PRRC1: variants seen among roughly 807,000 people sequenced by gnomAD.
PRRC1 encodes proline rich coiled-coil 1, also known as protein PRRC1.
PRRC1 carries 39 observed loss-of-function variants against 40.7 expected under a neutral mutation model. The observed-to-expected ratio is 0.96, with a 90% CI of 0.74 to 1.25. The LOEUF (loss-of-function observed/expected upper bound fraction) is 1.25. Among genes scored for constraint, PRRC1 ranks in the 50% most tolerant of loss-of-function variants. The probability of loss-of-function intolerance (pLI) is 0.00; values close to 1 mark genes in which losing one functional copy is unlikely to be tolerated. For missense variants in PRRC1, 573 were observed against 548.3 expected, an observed-to-expected ratio of 1.05 and a Z score of -0.45; for synonymous variants, 175 against 193.3, an observed-to-expected ratio of 0.91 and a Z score of 0.79.
chr5:127,555,025 G>C lies in PRRC1; in HGVS notation c.*3109G>C, dbSNP rs1263046669. On this transcript the variant is annotated 3_prime_UTR_variant, in exon 9 of 9. Coordinates refer to ENST00000296666, the MANE Select transcript of PRRC1 (RefSeq NM_130809.5). ...GATATTACGCAGGATGATGTATTGA[G>C]TAAAATCAGTTTTGTAAATATGTAA... The C allele has an allele frequency of 6.6e-6, 1 of 152,582 alleles. No homozygotes were observed. Among genetic ancestry groups the C allele is most frequent in the African/African-American group, 2.4e-5 (1 of 41,430 alleles). The allele number at this position is 152,582 out of a possible 1,614,324, so 9.5% of individuals were successfully genotyped here. A position where few individuals can be genotyped will look rare whatever the true frequency, so the allele number is the denominator to read the frequency against.
chr5:127,535,745 T>G (rs1457814395), intron 6 of PRRC1, among the ~76,000 whole-genome samples: 1 of 152,172 alleles, frequency 6.6e-6, no homozygotes, highest in African/African-American at 2.4e-5. Context: ...TGCATTCATT[T>G]GATGTGTGTA....
intron 1 of PRRC1, among the ~76,000 whole-genome samples, chr5:127,522,539 T>G (rs1450216488): frequency 6.6e-6 from 1 of 152,026 alleles, no homozygotes; most frequent in Non-Finnish European, 1.5e-5. Flanking sequence ...CATAGGCACA[T>G]GTCACCCTGC....
chr5:127,536,056 T>C (rs1006724041), intron 6 of PRRC1, among the ~76,000 whole-genome samples: 1 of 152,198 alleles, frequency 6.6e-6, no homozygotes. Flanking sequence ...TTATATATAA[T>C]ATGAATTAAA....
Position 127,552,643 on chromosome 5 carries a change from T to A in PRRC1, c.*727T>A. ...TGCTATATGACAGCTAAGGGGCAAATGATTCAAGTATATTTTAAATCAGAA... is the reference window on the plus strand; with the variant it reads ...TGCTATATGACAGCTAAGGGGCAAAAGATTCAAGTATATTTTAAATCAGAA... On this transcript the variant is annotated 3_prime_UTR_variant, in exon 9 of 9. Transcript: ENST00000296666. 2.0e-6 allele frequency: 2 copies of A among 977,984 alleles called. No individual in the cohort carries two copies. 60.6% of individuals were successfully genotyped at this position (977,984 alleles called of 1,614,324 possible). A position where few individuals can be genotyped will look rare whatever the true frequency, so the allele number is the denominator to read the frequency against.
At position 127,553,474 on chromosome 5, in the gene PRRC1, A is replaced by G; in HGVS notation, c.*1558A>G. ...ACTTTTGTCCAGGAGTAACAGGGAC[A>G]GAATACTTTCTTTCTTTCCTTCAAG... On this transcript the variant is annotated 3_prime_UTR_variant, in exon 9 of 9. Transcript: ENST00000296666. The G allele has an allele frequency of 3.5e-6, 4 of 1,135,980 alleles. No individual in the cohort carries two copies. The South Asian group carries it at 8.1e-5, about 23-fold the overall frequency. The allele number at this position is 1,135,980 out of a possible 1,614,324, so 70.4% of individuals were successfully genotyped here. A position where few individuals can be genotyped will look rare whatever the true frequency, so the allele number is the denominator to read the frequency against.
intron 1 of PRRC1, among the ~76,000 whole-genome samples, chr5:127,518,480 G>C (rs569964839): frequency 6.6e-6 from 1 of 152,314 alleles, no homozygotes; most frequent in South Asian, 2.1e-4. Flanking sequence ...TATTTTGAGA[G>C]ACAACATGTG....
intron 6 of PRRC1, among the ~76,000 whole-genome samples, chr5:127,538,648 G>T (rs1323914001): frequency 1.3e-5 from 2 of 152,024 alleles, no homozygotes; most frequent in African/African-American, 2.4e-5. Context: ...AAATTCAAGA[G>T]AGAATTAACT....
chr5:127,551,359 C>T, intron 8 of PRRC1: 1 of 227,706 alleles, frequency 4.4e-6, no homozygotes, highest in Non-Finnish European at 8.8e-6. Flanking sequence ...TTTCAGTTTT[C>T]CTCTTTCTGG....
At position 127,553,702 on chromosome 5, in the gene PRRC1, A is replaced by T. The variant is rs1042218469; in HGVS notation, c.*1786A>T. 57 of 1,495,478 alleles carry T rather than the reference A, an allele frequency of 3.8e-5. No homozygotes were observed. Among genetic ancestry groups the T allele is most frequent in the Non-Finnish European group, 4.8e-5 (54 of 1,130,470 alleles). 92.6% of individuals were successfully genotyped at this position (1,495,478 alleles called of 1,614,324 possible). ...TCTTACAGATTCTAAAAATACCTTA[A>T]TTTTTCTTTGATTTTTATTTTACCA... On this transcript the variant is annotated 3_prime_UTR_variant, in exon 9 of 9. Transcript: ENST00000296666.
intron 8 of PRRC1, chr5:127,548,795 T>A (rs113997419): frequency 6.6e-6 from 1 of 152,136 alleles, no homozygotes; most frequent in Non-Finnish European, 1.5e-5. Flanking sequence ...TATTACAGTT[T>A]AGAAAGGGGG....
At chr5:127,547,597 AT>A (rs1768262848) in intron 7 of PRRC1, among the ~76,000 whole-genome samples, 1 of 151,570 alleles carries the variant, frequency 6.6e-6, no homozygotes, top group Admixed American at 6.6e-5. Context: ...GTATTTTTAA[AT>A]TTTTTTTCTT....
chr5:127,551,404 A>G, intron 8 of PRRC1: 1 of 299,268 alleles, frequency 3.3e-6, no homozygotes, highest in Non-Finnish European at 6.3e-6. Flanking sequence ...TAACTTTAGC[A>G]CTGATTTTAG....
intron 4 of PRRC1, among the ~76,000 whole-genome samples, chr5:127,527,798 A>G (rs1178375879): frequency 6.7e-6 from 1 of 149,996 alleles, no homozygotes; most frequent in East Asian, 2.0e-4. Context: ...TATGATGAGC[A>G]CTGTTGTATG....
Position 127,552,565 on chromosome 5 carries a change from C to T in PRRC1, c.*649C>T, listed in dbSNP as rs1768421780. ...TGTCAATTTTAAACATAACTTTTGG[C>T]ATTTCCCAGATTTATACTATGAACA... On this transcript the variant is annotated 3_prime_UTR_variant, in exon 9 of 9. Coordinates refer to ENST00000296666, the MANE Select transcript of PRRC1 (RefSeq NM_130809.5). 2 of 985,510 alleles carry T rather than the reference C, an allele frequency of 2.0e-6. No homozygotes were observed. The highest frequency in any genetic ancestry group is 2.4e-6 in the Non-Finnish European group (2 of 829,650). The allele number at this position is 985,510 out of a possible 1,614,324, so 61.0% of individuals were successfully genotyped here.
chr5:127,536,866 T>C (rs1767914672), intron 6 of PRRC1, among the ~76,000 whole-genome samples: 1 of 152,016 alleles, frequency 6.6e-6, no homozygotes, highest in Non-Finnish European at 1.5e-5. Context: ...TGTCGGCTTT[T>C]TATTTTTTTT....
chr5:127,523,192 AG>A (rs1265847629), intron 1 of PRRC1, among the ~76,000 whole-genome samples: 1 of 152,240 alleles, frequency 6.6e-6, no homozygotes, highest in Non-Finnish European at 1.5e-5. Flanking sequence ...GTAGATAATT[AG>A]TTATATTGTT....
intron 3 of PRRC1, 90 bp from the exon 4 acceptor site, chr5:127,526,528 A>G (rs1019249147): frequency 4.3e-6 from 4 of 921,324 alleles, no homozygotes; most frequent in Non-Finnish European, 4.8e-6. Context: ...ATGCCTGAAT[A>G]TTAATATTAA....
At position 127,553,594 on chromosome 5, in the gene PRRC1, A is replaced by G; in HGVS notation, c.*1678A>G. On this transcript the variant is annotated 3_prime_UTR_variant, in exon 9 of 9. Coordinates refer to ENST00000296666, the MANE Select transcript of PRRC1 (RefSeq NM_130809.5). ...TTATCATGGCAATGGCATGATGACA[A>G]CAACAGTCTTTCATTACAGACTGAA... The G allele has an allele frequency of 7.5e-7, 1 of 1,332,196 alleles. No individual in the cohort carries two copies. The highest frequency in any genetic ancestry group is 9.6e-7 in the Non-Finnish European group (1 of 1,039,296). 82.5% of individuals were successfully genotyped at this position (1,332,196 alleles called of 1,614,324 possible).
At chr5:127,540,538 G>C (rs1475548323) in intron 7 of PRRC1, among the ~76,000 whole-genome samples, 1 of 152,000 alleles carries the variant, frequency 6.6e-6, no homozygotes. Flanking sequence ...TACTTCCTTT[G>C]ATAATACATT....
Sources: allele counts gnomAD v4.1 joint callset (sites outside exome capture counted in the v4.1 genomes callset), GRCh38; gene constraint gnomAD v4.1.1; transcripts MANE v1.5; gene names NCBI Gene and HGNC (gene_info 2026-07-23, HGNC 2026-07-21).